The following DDX4 variants were observed in gnomAD, a reference collection of about 807,000 sequenced individuals.
The protein encoded by DDX4 is probable ATP-dependent RNA helicase DDX4.
A neutral mutation model predicts 100.0 loss-of-function variants in DDX4; 25 were observed. The observed-to-expected ratio is 0.25, with a 90% CI of 0.18 to 0.35. The LOEUF (loss-of-function observed/expected upper bound fraction) is 0.35. DDX4 is among the 10% of genes least tolerant of loss of function. The pLI, the probability that DDX4 is intolerant of heterozygous loss-of-function variation, is 1.00. For missense variants in DDX4, 635 were observed against 882.4 expected (o/e 0.72, Z 3.55); for synonymous variants, 259 against 275.7 (o/e 0.94, Z 0.60).
chr5:55,780,142 A>C, intron 8 of DDX4, 77 bp downstream of exon 8: 2 of 1,556,274 alleles, frequency 1.3e-6, no homozygotes. Flanking sequence ...CGTATCAAAG[A>C]AGGTTGTTAT....
intron 18 of DDX4, among the ~76,000 whole-genome samples, chr5:55,804,733 G>A (rs1278455383): frequency 6.6e-6 from 1 of 152,100 alleles, no homozygotes; most frequent in African/African-American, 2.4e-5. Context: ...TGGCCTTGTA[G>A]TATAGTTTGA....
chr5:55,790,669 T>G lies in DDX4; in HGVS notation c.1266T>G (p.Thr422=), dbSNP rs61748223. The G allele has an allele frequency of 0.044, 71,273 of 1,610,730 alleles. 2,250 individuals carry two copies. Among genetic ancestry groups the G allele is most frequent in the African/African-American group, 0.15 (11,555 of 74,858 alleles). Residue 422 remains threonine (T), a synonymous_variant, in exon 16 of 22, where the codon ACT becomes ACG. Coordinates refer to ENST00000505374, the MANE Select transcript of DDX4 (RefSeq NM_024415.3). ...AAGGCTGTAATATATTATGTGCTAC[T>G]CCTGGAAGACTGATGGATATCATAG... The part of the protein sequence containing the change: ...IVQGCNILCA[T]PGRLMDIIGK...
chr5:55,801,820 GC>G (rs1276412088), intron 18 of DDX4, among the ~76,000 whole-genome samples: 1 of 152,156 alleles, frequency 6.6e-6, no homozygotes, highest in Admixed American at 6.5e-5. Flanking sequence ...TTTATTATTT[GC>G]TATCTAAGGG....
At position 55,792,657 on chromosome 5, in the gene DDX4, T is replaced by A; in HGVS notation, c.1319T>A (p.Ile440Asn). The A allele has an allele frequency of 1.3e-6, 2 of 1,584,718 alleles. No homozygotes were observed. The highest frequency in any genetic ancestry group is 1.7e-6 in the Non-Finnish European group (2 of 1,162,698). The change falls in exon 17 of 22, where the codon ATC becomes AAC. Residue 440 changes from isoleucine (I) to asparagine (N), a missense_variant. Physicochemically the swap from Ile to Asn is moderately radical, Grantham distance 149. Transcript: ENST00000505374. ...IGKEKIGLKQ[I>N]KYLVLDEADR... is the part of the protein sequence containing the mutation. Reference sequence around the variant, plus strand: ...TCCTTAAAGATTGGTCTCAAACAGATCAAATACTTAGTTTTGGATGAAGCT... The same window carrying A: ...TCCTTAAAGATTGGTCTCAAACAGAACAAATACTTAGTTTTGGATGAAGCT...
intron 18 of DDX4, among the ~76,000 whole-genome samples, chr5:55,806,435 C>A (rs1007536698): frequency 1.8e-4 from 27 of 152,184 alleles, no homozygotes; most frequent in African/African-American, 6.5e-4. Flanking sequence ...AGTTTTAGAT[C>A]TTTCCTGCTT....
chr5:55,752,382 G>C (rs997411432), intron 3 of DDX4, among the ~76,000 whole-genome samples: 2 of 135,444 alleles, frequency 1.5e-5, no homozygotes, highest in Non-Finnish European at 3.0e-5. Context: ...CCCTTCCTCT[G>C]TCCATGTGAT....
chr5:55,738,138 C>T (rs906653719), intron 1 of DDX4, 37 bp downstream of exon 1: 2 of 152,320 alleles, frequency 1.3e-5, no homozygotes, highest in African/African-American at 2.4e-5. Flanking sequence ...CTGGCCTGAA[C>T]TCGGCCGTAC....
chr5:55,805,992 C>T (rs903688623), intron 18 of DDX4, among the ~76,000 whole-genome samples: 161 of 152,290 alleles, frequency 1.1e-3, no homozygotes, highest in African/African-American at 3.8e-3. Flanking sequence ...ATTATTACCT[C>T]AATTTCAGAG....
chr5:55,799,503 G>C (rs1743170305), intron 18 of DDX4, among the ~76,000 whole-genome samples: 1 of 152,130 alleles, frequency 6.6e-6, no homozygotes, highest in Admixed American at 6.5e-5. Context: ...AGTCCCCTGA[G>C]TAGCCGGGAC....
In DDX4 at chr5:55,739,041, A is replaced by G. The variant is rs1758841685; in HGVS notation, c.69+9A>G. On this transcript the variant is annotated intron_variant, in intron 2 of 21. Transcript: ENST00000505374. Reference sequence around the variant, plus strand: ...TTCCCATATTTGAGAAGGTAATAACATTTAAAGTTTAGTTATTAAATGCTA... The same window carrying G: ...TTCCCATATTTGAGAAGGTAATAACGTTTAAAGTTTAGTTATTAAATGCTA... The G allele has an allele frequency of 6.6e-7, 1 of 1,522,268 alleles. No individual in the cohort carries two copies. Among genetic ancestry groups the G allele is most frequent in the Admixed American group, 1.7e-5 (1 of 57,530 alleles). 94.3% of individuals were successfully genotyped at this position (1,522,268 alleles called of 1,614,324 possible). A position where few individuals can be genotyped will look rare whatever the true frequency, so the allele number is the denominator to read the frequency against.
At position 55,816,701 on chromosome 5, in the gene DDX4, G is replaced by A; in HGVS notation, c.*161G>A. The A allele has an allele frequency of 7.9e-7, 1 of 1,260,624 alleles. No homozygotes were observed. Among genetic ancestry groups the A allele is most frequent in the South Asian group, 1.9e-5 (1 of 53,094 alleles). The allele number at this position is 1,260,624 out of a possible 1,614,324, so 78.1% of individuals were successfully genotyped here. ...AAAAATCCTTACTGACTAGTTATGTGAGATGCTAAAACTTACAACATTGCA... is the reference window on the plus strand; with the variant it reads ...AAAAATCCTTACTGACTAGTTATGTAAGATGCTAAAACTTACAACATTGCA... On this transcript the variant is annotated 3_prime_UTR_variant, in exon 22 of 22. Transcript: ENST00000505374.
intron 18 of DDX4, among the ~76,000 whole-genome samples, chr5:55,804,933 TATTG>T (rs1743594529): frequency 1.3e-5 from 2 of 151,590 alleles, no homozygotes; most frequent in Non-Finnish European, 3.0e-5. Context: ...ATTTTCACGA[TATTG>T]ATTCTTCCTA....
chr5:55,797,765 A>T (rs1339793459), intron 17 of DDX4, among the ~76,000 whole-genome samples: 1 of 152,206 alleles, frequency 6.6e-6, no homozygotes, highest in African/African-American at 2.4e-5. Flanking sequence ...TGCAGCTGAT[A>T]GTGAGTTAAC....
intron 16 of DDX4, among the ~76,000 whole-genome samples, chr5:55,791,290 A>G (rs1580580594): frequency 6.6e-6 from 1 of 152,158 alleles, no homozygotes; most frequent in East Asian, 1.9e-4. Context: ...TTGCTTTTTA[A>G]AAACTCTTTA....
rs776759889 is a variant in DDX4, at chr5:55,746,228, G to A, written c.127+7G>A. On this transcript the variant is annotated splice_region_variant and intron_variant, in intron 3 of 21. Coordinates refer to ENST00000505374, the MANE Select transcript of DDX4 (RefSeq NM_024415.3). ...ACTCCAGCTTCATCATCAGGTATGTGTTATGGGAAAAAGGTAAAACCCTTT... is the reference window on the plus strand; with the variant it reads ...ACTCCAGCTTCATCATCAGGTATGTATTATGGGAAAAAGGTAAAACCCTTT... 2.5e-6 allele frequency: 4 copies of A among 1,608,846 alleles called. No homozygotes were observed. In the South Asian group the frequency reaches 3.3e-5, roughly 13 times the overall value.
chr5:55,744,211 A>G (rs1337373121), intron 2 of DDX4, among the ~76,000 whole-genome samples: 1 of 152,144 alleles, frequency 6.6e-6, no homozygotes, highest in African/African-American at 2.4e-5. Context: ...TAGCAAATAG[A>G]TGTTACCTAA....
intron 5 of DDX4, 64 bp from the exon 6 acceptor site, chr5:55,763,943 AGTAGTTC>A (rs1740728436): frequency 9.6e-7 from 1 of 1,039,208 alleles, no homozygotes; most frequent in African/African-American, 1.6e-5. Context: ...CATCATAACT[AGTAGTTC>A]CTGTGTGGTT....
intron 16 of DDX4, among the ~76,000 whole-genome samples, chr5:55,792,278 A>C (rs1056892641): frequency 2.6e-5 from 4 of 152,134 alleles, no homozygotes; most frequent in Non-Finnish European, 5.9e-5. Context: ...ATATACAGTA[A>C]TATTATCTAA....
At chr5:55,766,002 A>G (rs1740903169) in intron 6 of DDX4, among the ~76,000 whole-genome samples, 4 of 142,554 alleles carry the variant, frequency 2.8e-5, no homozygotes, top group Non-Finnish European at 6.1e-5. Flanking sequence ...TATTTTTAGT[A>G]GAGACGGGGT....
Sources: gnomAD v4.1 joint callset for allele counts (sites outside exome capture counted in the v4.1 genomes callset) on GRCh38, gnomAD v4.1.1 for gene constraint, MANE v1.5 for transcripts, NCBI Gene and HGNC (gene_info 2026-07-23, HGNC 2026-07-21) for gene names.